SCD5: variants seen among roughly 807,000 people sequenced by gnomAD.
The protein encoded by SCD5 is stearoyl-CoA desaturase 5.
SCD5 carries 20 observed loss-of-function variants against 30.4 expected under a neutral mutation model. The observed-to-expected ratio is 0.66, with a 90% CI of 0.46 to 0.96. The LOEUF (loss-of-function observed/expected upper bound fraction) is 0.96. Among genes scored for constraint, SCD5 ranks in the 40% least tolerant of loss-of-function variants. The pLI is 0.00. For missense variants in SCD5, 381 were observed against 443.3 expected (o/e 0.86, Z 1.26); for synonymous variants, 173 against 176.4 (o/e 0.98, Z 0.16).
chr4:82,668,749 T>C (rs989124522), intron 3 of SCD5, among the ~76,000 whole-genome samples: 5 of 152,144 alleles, frequency 3.3e-5, no homozygotes, highest in East Asian at 1.9e-4. Flanking sequence ...CTGAGTAAAA[T>C]AGGCAATCAC....
chr4:82,653,676 T>TAGATAGATA lies in SCD5; in HGVS notation c.570-16854_570-16853insTATCTATCT, dbSNP rs1553914398. Among the ~76,000 whole-genome samples, 15 of 136,674 alleles carry TAGATAGATA rather than the reference T, an allele frequency of 1.1e-4. No individual in the cohort carries two copies. The East Asian group carries it at 3.3e-3, about 30-fold the overall frequency. 89.7% of individuals were successfully genotyped at this position (136,674 alleles called of 152,430 possible). A position where few individuals can be genotyped will look rare whatever the true frequency, so the allele number is the denominator to read the frequency against. ...TAGTTGGGCAGAATTTGAAAGTCAA[T>TAGATAGATA]GATAGATAGATAGATAGATAGATAG... On this transcript the variant is annotated intron_variant, in intron 3 of 4. Coordinates refer to ENST00000319540, the MANE Select transcript of SCD5 (RefSeq NM_001037582.3).
chr4:82,769,471 T>C (rs191040901), intron 1 of SCD5, among the ~76,000 whole-genome samples: 65 of 152,328 alleles, frequency 4.3e-4, no homozygotes, highest in Admixed American at 1.4e-3. Flanking sequence ...AATAAATTGA[T>C]ACAAAAATCA....
At chr4:82,762,948 G>A (rs1414325447) in intron 1 of SCD5, among the ~76,000 whole-genome samples, 4 of 152,226 alleles carry the variant, frequency 2.6e-5, no homozygotes, top group African/African-American at 9.6e-5. Context: ...CTGAGCGGTG[G>A]AGCACAGCCC....
intron 2 of SCD5, among the ~76,000 whole-genome samples, chr4:82,686,304 C>G (rs534247394): frequency 6.6e-5 from 10 of 152,298 alleles, no homozygotes; most frequent in African/African-American, 2.2e-4. Context: ...CTGCACCCAG[C>G]CACTTGTACG....
At chr4:82,653,854 A>T (rs1727813124) in intron 3 of SCD5, among the ~76,000 whole-genome samples, 1 of 152,018 alleles carries the variant, frequency 6.6e-6, no homozygotes, top group Admixed American at 6.6e-5. Flanking sequence ...GACTGATAAG[A>T]GTAGGTTTAT....
chr4:82,658,630 CTTTTTT>C (rs57727794), intron 3 of SCD5, among the ~76,000 whole-genome samples: 64 of 116,932 alleles, frequency 5.5e-4, no homozygotes, highest in African/African-American at 1.5e-3. Context: ...CCACACCTGG[CTTTTTT>C]TTTTTTTTTT....
chr4:82,722,662 AGC>A (rs1720393178), intron 1 of SCD5, among the ~76,000 whole-genome samples: 1 of 151,340 alleles, frequency 6.6e-6, no homozygotes, highest in Non-Finnish European at 1.5e-5. Flanking sequence ...GCTACTGAGG[AGC>A]TGAGGCAAGA....
intron 3 of SCD5, among the ~76,000 whole-genome samples, chr4:82,652,213 G>A (rs943678325): frequency 6.6e-6 from 1 of 152,194 alleles, no homozygotes; most frequent in Non-Finnish European, 1.5e-5. Flanking sequence ...GAAGTACCAA[G>A]AGATAGGGTA....
At position 82,631,227 on chromosome 4, in the gene SCD5, C is replaced by G; in HGVS notation, c.*100G>C. 2.1e-6 allele frequency: 2 copies of G among 966,386 alleles called. No individual in the cohort carries two copies. Among genetic ancestry groups the G allele is most frequent in the Non-Finnish European group, 3.0e-6 (2 of 670,534 alleles). 59.9% of individuals were successfully genotyped at this position (966,386 alleles called of 1,614,324 possible). On this transcript the variant is annotated 3_prime_UTR_variant, in exon 5 of 5. Coordinates refer to ENST00000319540, the MANE Select transcript of SCD5 (RefSeq NM_001037582.3). ...CCACATTGACTCGTTCCTTCCCCAC[C>G]CTCTGCCCCCTCCCACGATCCAATG...
At chr4:82,749,485 A>AT (rs2148841811) in intron 1 of SCD5, among the ~76,000 whole-genome samples, 1 of 152,356 alleles carries the variant, frequency 6.6e-6, no homozygotes, top group African/African-American at 2.4e-5. Context: ...AATTTGGGAT[A>AT]TTTTGGGATG....
intron 2 of SCD5, among the ~76,000 whole-genome samples, chr4:82,684,202 A>C (rs1314467905): frequency 1.3e-5 from 2 of 152,242 alleles, no homozygotes; most frequent in Non-Finnish European, 2.9e-5. Context: ...GAATGAAGCA[A>C]GTATAACAGT....
At chr4:82,781,044 C>T (rs1375078667) in intron 1 of SCD5, among the ~76,000 whole-genome samples, 2 of 152,212 alleles carry the variant, frequency 1.3e-5, no homozygotes, top group East Asian at 1.9e-4. Flanking sequence ...CAGCAGGGCC[C>T]CCCAGAGGAG....
intron 3 of SCD5, among the ~76,000 whole-genome samples, chr4:82,639,587 C>T (rs1374804070): frequency 2.0e-5 from 3 of 152,234 alleles, no homozygotes; most frequent in Admixed American, 6.5e-5. Flanking sequence ...ACAGCCAAGA[C>T]GTGGGAGCAT....
At chr4:82,728,175 G>T (rs1348990943) in intron 1 of SCD5, among the ~76,000 whole-genome samples, 2 of 152,180 alleles carry the variant, frequency 1.3e-5, no homozygotes, top group African/African-American at 4.8e-5. Context: ...TCATAAAGGA[G>T]TGAAACTGCC....
intron 1 of SCD5, among the ~76,000 whole-genome samples, chr4:82,706,294 T>C (rs1310972891): frequency 6.6e-6 from 1 of 152,190 alleles, no homozygotes; most frequent in East Asian, 1.9e-4. Flanking sequence ...GGACCTTGGG[T>C]GCAATAAAAT....
At chr4:82,730,819 C>T (rs1168625431) in intron 1 of SCD5, among the ~76,000 whole-genome samples, 1 of 152,096 alleles carries the variant, frequency 6.6e-6, no homozygotes, top group African/African-American at 2.4e-5. Flanking sequence ...CTCCTGACCT[C>T]GTAATCCGCT....
chr4:82,723,966 T>C (rs150748876), intron 1 of SCD5, among the ~76,000 whole-genome samples: 43 of 152,364 alleles, frequency 2.8e-4, no homozygotes, highest in Non-Finnish European at 5.4e-4. Context: ...GATTAGGTTA[T>C]GATAATATCC....
intron 2 of SCD5, among the ~76,000 whole-genome samples, chr4:82,704,253 G>A (rs1367848296): frequency 1.3e-5 from 2 of 152,218 alleles, no homozygotes; most frequent in Non-Finnish European, 2.9e-5. Context: ...GGCCACATGA[G>A]CTGTGTGTCT....
At chr4:82,672,420 C>T (rs1032736973) in intron 3 of SCD5, among the ~76,000 whole-genome samples, 1 of 152,098 alleles carries the variant, frequency 6.6e-6, no homozygotes. Context: ...CTATGAACAA[C>T]TCTGTGCCCA....
Sources: gnomAD v4.1 joint callset for allele counts (sites outside exome capture counted in the v4.1 genomes callset) on GRCh38, gnomAD v4.1.1 for gene constraint, MANE v1.5 for transcripts, NCBI Gene and HGNC (gene_info 2026-07-23, HGNC 2026-07-21) for gene names.